The following CNOT2 variants were observed in gnomAD, a reference collection of about 807,000 sequenced individuals.
CNOT2 encodes CCR4-NOT transcription complex subunit 2, also known as CC chemokine receptor 4-negative regulator of transcription 2.
Under a neutral mutation model 72.1 loss-of-function variants are expected in CNOT2, and 7 were observed. That is an observed-to-expected ratio of 0.10 (90% CI 0.06 to 0.18). CNOT2 has a LOEUF of 0.18. CNOT2 is among the 10% of genes least tolerant of loss of function. The pLI is 1.00. For synonymous variants in CNOT2, 196 were observed against 225.6 expected, an observed-to-expected ratio of 0.87 and a Z score of 1.17; for missense variants, 345 against 660.3, an observed-to-expected ratio of 0.52 and a Z score of 5.23.
intron 7 of CNOT2, 64 bp from the exon 8 acceptor site, chr12:70,335,374 G>T: frequency 1.6e-6 from 2 of 1,255,374 alleles, no homozygotes; most frequent in Non-Finnish European, 2.3e-6. Flanking sequence ...ATTATGGTTG[G>T]TTTTTATAAT....
chr12:70,285,565 A>T (rs1242055730), intron 2 of CNOT2: 1 of 151,768 alleles, frequency 6.6e-6, no homozygotes, highest in Admixed American at 6.6e-5. Context: ...GGAGTCTAGG[A>T]TGATAGCACT....
chr12:70,353,797 A>C (rs879012542), intron 15 of CNOT2, 32 bp from the exon 16 acceptor site: 5 of 1,596,416 alleles, frequency 3.1e-6, no homozygotes, highest in South Asian at 2.3e-5. Flanking sequence ...GAAAAGGGGA[A>C]GATATCTAAA....
intron 2 of CNOT2, among the ~76,000 whole-genome samples, chr12:70,300,005 T>C (rs1234650721): frequency 3.9e-5 from 6 of 152,260 alleles, no homozygotes; most frequent in Admixed American, 2.0e-4. Context: ...TGTGTTTTTT[T>C]GGCTGCATAA....
intron 2 of CNOT2, among the ~76,000 whole-genome samples, chr12:70,282,376 G>A (rs949328269): frequency 2.0e-5 from 3 of 152,062 alleles, no homozygotes; most frequent in African/African-American, 7.2e-5. Context: ...TATTTTTGTG[G>A]AATATAGTAT....
chr12:70,283,426 C>CTCCA (rs1870219668), intron 2 of CNOT2, among the ~76,000 whole-genome samples: 1 of 151,700 alleles, frequency 6.6e-6, no homozygotes, highest in Admixed American at 6.6e-5. Flanking sequence ...CACCACTGCA[C>CTCCA]TCCAGCCTGT....
chr12:70,303,965 A>G (rs1593180658), intron 2 of CNOT2, among the ~76,000 whole-genome samples: 1 of 152,124 alleles, frequency 6.6e-6, no homozygotes, highest in East Asian at 1.9e-4. Flanking sequence ...TTCGTCTTCC[A>G]TCGCTGATAC....
chr12:70,315,154 G>A (rs1418853790), intron 3 of CNOT2, among the ~76,000 whole-genome samples: 2 of 152,040 alleles, frequency 1.3e-5, no homozygotes, highest in Non-Finnish European at 2.9e-5. Flanking sequence ...GTGAGCCACC[G>A]TGCCTGGCCT....
intron 15 of CNOT2, among the ~76,000 whole-genome samples, chr12:70,350,079 G>T (rs1457493935): frequency 6.6e-6 from 1 of 151,754 alleles, no homozygotes; most frequent in East Asian, 1.9e-4. Context: ...AGCAGGCCAT[G>T]TTCTCCTGTG....
intron 2 of CNOT2, among the ~76,000 whole-genome samples, chr12:70,283,063 T>A (rs1870154201): frequency 6.6e-6 from 1 of 152,208 alleles, no homozygotes; most frequent in South Asian, 2.1e-4. Flanking sequence ...ATAATACTTT[T>A]TCTTTTATAC....
intron 4 of CNOT2, among the ~76,000 whole-genome samples, chr12:70,328,725 A>G (rs1879464085): frequency 6.6e-6 from 1 of 151,648 alleles, no homozygotes; most frequent in Non-Finnish European, 1.5e-5. Context: ...CTTTAAAAAA[A>G]AAAAAACCTA....
intron 2 of CNOT2, among the ~76,000 whole-genome samples, chr12:70,288,106 CTAAGGGG>C (rs1162303470): frequency 7.1e-5 from 10 of 141,362 alleles, no homozygotes; most frequent in Admixed American, 5.1e-4. Context: ...GTCCTCTTTA[CTAAGGGG>C]TTATTACAAT....
chr12:70,283,832 T>G (rs568171661), intron 2 of CNOT2, among the ~76,000 whole-genome samples: 4 of 152,030 alleles, frequency 2.6e-5, no homozygotes, highest in African/African-American at 9.6e-5. Context: ...CTGCTTAAGA[T>G]GAAGTTGCTC....
intron 1 of CNOT2, among the ~76,000 whole-genome samples, chr12:70,277,715 A>G (rs1342764071): frequency 6.6e-6 from 1 of 152,214 alleles, no homozygotes; most frequent in Non-Finnish European, 1.5e-5. Context: ...TCTATCATAT[A>G]TAATCATTTG....
chr12:70,298,612 A>C (rs1424671521), intron 2 of CNOT2, among the ~76,000 whole-genome samples: 1 of 152,248 alleles, frequency 6.6e-6, no homozygotes, highest in Non-Finnish European at 1.5e-5. Context: ...ATTATTTTAT[A>C]GTTATGATAA....
At chr12:70,321,282 C>T (rs1280143881) in intron 4 of CNOT2, among the ~76,000 whole-genome samples, 1 of 151,644 alleles carries the variant, frequency 6.6e-6, no homozygotes, top group Non-Finnish European at 1.5e-5. Context: ...TCCAAGATAT[C>T]GATCTAGAAG....
In CNOT2 at chr12:70,340,215, T is replaced by C. The variant is rs537331996; in HGVS notation, c.1178+1393T>C. Among the ~76,000 whole-genome samples the C allele has an allele frequency of 2.0e-5, 3 of 152,298 alleles. No individual in the cohort carries two copies. The East Asian group carries it at 5.8e-4, about 29-fold the overall frequency. On this transcript the variant is annotated intron_variant, in intron 11 of 15. Transcript: ENST00000229195. ...AGGTCACCAAATGACCTTCATGTTA[T>C]TAAATTCAGTGGTCACTTGGAGGAA...
intron 4 of CNOT2, among the ~76,000 whole-genome samples, chr12:70,328,291 G>A (rs547037983): frequency 2.0e-5 from 3 of 151,890 alleles, no homozygotes; most frequent in East Asian, 1.9e-4. Flanking sequence ...GTTAGAAGGT[G>A]AAACATTATT....
intron 1 of CNOT2, among the ~76,000 whole-genome samples, chr12:70,270,897 C>T (rs972273015): frequency 1.3e-5 from 2 of 151,822 alleles, no homozygotes; most frequent in African/African-American, 2.4e-5. Context: ...ATGAAAAGCA[C>T]GGTGAATGGT....
At chr12:70,352,598 C>T (rs1204966617) in intron 15 of CNOT2, among the ~76,000 whole-genome samples, 2 of 152,118 alleles carry the variant, frequency 1.3e-5, no homozygotes, top group Non-Finnish European at 2.9e-5. Flanking sequence ...TAGCTAATGT[C>T]ACTTGTTGCC....
Sources: allele counts gnomAD v4.1 joint callset (sites outside exome capture counted in the v4.1 genomes callset), GRCh38; gene constraint gnomAD v4.1.1; transcripts MANE v1.5; gene names NCBI Gene and HGNC (gene_info 2026-07-23, HGNC 2026-07-21).